Variants in BPIFB3 observed in about 807,000 individuals in gnomAD.
BPIFB3 encodes the protein BPI fold containing family B member 3.
A neutral mutation model predicts 53.1 loss-of-function variants in BPIFB3; 49 were observed. That is an observed-to-expected ratio of 0.92 (90% CI 0.73 to 1.17). BPIFB3 has a LOEUF of 1.17. Ranked by LOEUF, BPIFB3 falls within the 50% of genes most tolerant of loss-of-function variation. The pLI, the probability that BPIFB3 is intolerant of heterozygous loss-of-function variation, is 0.00. For missense variants in BPIFB3, 628 were observed against 592.5 expected (o/e 1.06, Z -0.62); for synonymous variants, 271 against 269.6 (o/e 1.01, Z -0.05).
At chr20:33,071,156 G>A in intron 11 of BPIFB3, 97 bp from the exon 13 acceptor site, 2 of 1,132,734 alleles carry the variant, frequency 1.8e-6, no homozygotes. Flanking sequence ...TGGTAATCCT[G>A]TTTCCTGATG....
intron 13 of BPIFB3, 107 bp downstream of exon 14, chr20:33,072,274 G>A: frequency 1.6e-6 from 2 of 1,220,418 alleles, no homozygotes; most frequent in Non-Finnish European, 2.4e-6. Flanking sequence ...GCCAGAGAGA[G>A]AGGTCGATCC....
At chr20:33,059,955 G>A (rs1863767246) in exon 4 of BPIFB3, 3 of 1,614,152 alleles carry the variant, frequency 1.9e-6, no homozygotes, top group Middle Eastern at 1.6e-4. Context: ...GGCGCTGGCC[G>A]TGAGCTCAAG....
chr20:33,073,832 C>T (rs538223584), downstream of BPIFB3, among the ~76,000 whole-genome samples: 1 of 152,356 alleles, frequency 6.6e-6, no homozygotes, highest in East Asian at 1.9e-4. Context: ...CAATAAATGA[C>T]TCCTGTATCT....
intron 5 of BPIFB3, 106 bp downstream of exon 6, chr20:33,061,937 C>A: frequency 7.8e-7 from 1 of 1,285,952 alleles, no homozygotes; most frequent in East Asian, 2.4e-5. Context: ...GGCTGTACTT[C>A]CCTTCCACAC....
At position 33,059,372 on chromosome 20, in the gene BPIFB3, T is replaced by A. The variant is rs367591031; in HGVS notation, c.282-6T>A. The A allele has an allele frequency of 1.2e-6, 2 of 1,607,030 alleles. No individual in the cohort carries two copies. Among genetic ancestry groups the A allele is most frequent in the Middle Eastern group, 1.8e-4 (1 of 5,492 alleles). ...TGAGCAACCCTCTCCCTGACTCCCA[T>A]CCTAGTCTGAAGATTGAGGAGCTCA... On this transcript the variant is annotated splice_region_variant and splice_polypyrimidine_tract_variant and intron_variant, in intron 2 of 14. Transcript: ENST00000375494.
rs1166837237 is a variant in BPIFB3, at chr20:33,062,402, C to G, written c.591+571C>G. ...CAGGCCTCCTGACCCCACGGCCTAG[C>G]TGGCTCTCCCTGTGCATTCTTGCGA... On this transcript the variant is annotated intron_variant, in intron 5 of 14. Coordinates refer to ENST00000375494, the Ensembl canonical transcript of BPIFB3. Among the ~76,000 whole-genome samples the G allele has an allele frequency of 2.0e-5, 3 of 152,166 alleles. No individual in the cohort carries two copies. In the South Asian group the frequency reaches 6.2e-4, roughly 32 times the overall value.
At chr20:33,070,683 G>A (rs1220792216) in intron 11 of BPIFB3, among the ~76,000 whole-genome samples, 4 of 152,190 alleles carry the variant, frequency 2.6e-5, no homozygotes, top group East Asian at 3.9e-4. Context: ...CTCTGACTCC[G>A]TCTTAGCACC....
chr20:33,062,889 A>G (rs1980513849), intron 5 of BPIFB3, among the ~76,000 whole-genome samples: 1 of 151,950 alleles, frequency 6.6e-6, no homozygotes, highest in Non-Finnish European at 1.5e-5. Context: ...GAAATCCTGG[A>G]GTTTGGGGCC....
At chr20:33,073,459 A>G in intron 14 of BPIFB3, 117 bp from the exon 16 acceptor site, 2 of 954,378 alleles carry the variant, frequency 2.1e-6, no homozygotes, top group Non-Finnish European at 3.2e-6. Flanking sequence ...TCATTTAATG[A>G]GTGCCTGCTG....
intron 2 of BPIFB3, 78 bp downstream of exon 3, chr20:33,056,776 A>T: frequency 2.7e-6 from 4 of 1,476,498 alleles, no homozygotes; most frequent in Non-Finnish European, 3.6e-6. Context: ...GTCTCTTTGT[A>T]ATTTGTCCAA....
chr20:33,061,863 T>A (rs1600539268), intron 5 of BPIFB3, 32 bp downstream of exon 6: 3 of 1,610,510 alleles, frequency 1.9e-6, no homozygotes, highest in Non-Finnish European at 1.7e-6. Flanking sequence ...CAGCATGCCC[T>A]CTCCCAGGAC....
At chr20:33,064,844 T>C in exon 8 of BPIFB3, 2 of 1,611,136 alleles carry the variant, frequency 1.2e-6, no homozygotes, top group African/African-American at 1.3e-5. Context: ...ACCCCTGAGC[T>C]GGTGAGTGTG....
At chr20:33,059,423 G>A (rs1294118718) in exon 3 of BPIFB3, 1 of 1,613,148 alleles carries the variant, frequency 6.2e-7, no homozygotes, top group South Asian at 1.1e-5. Flanking sequence ...TGCTGAAGCT[G>A]CTGCCGGGAT....
At chr20:33,059,566 C>G (rs748039257) in intron 3 of BPIFB3, 84 bp downstream of exon 4, 3 of 982,992 alleles carry the variant, frequency 3.1e-6, no homozygotes, top group East Asian at 5.2e-5. Flanking sequence ...GCTGTCCCCC[C>G]ACTCCCACCC....
chr20:33,064,591 G>C (rs374087939), intron 7 of BPIFB3, 43 bp downstream of exon 8: 556 of 1,613,018 alleles, frequency 3.4e-4, no homozygotes, highest in Non-Finnish European at 4.6e-4. Context: ...GGGGTGGCTA[G>C]ATAGGGGATG....
chr20:33,068,753 G>C (rs1389895439), intron 9 of BPIFB3, 50 bp from the exon 11 acceptor site: 1 of 1,573,810 alleles, frequency 6.4e-7, no homozygotes, highest in Non-Finnish European at 8.7e-7. Flanking sequence ...CTGACTGACT[G>C]ACTGATTGTA....
At chr20:33,066,145 C>CG (rs898593064) in intron 8 of BPIFB3, among the ~76,000 whole-genome samples, 1 of 151,992 alleles carries the variant, frequency 6.6e-6, no homozygotes, top group Admixed American at 6.6e-5. Flanking sequence ...GTTCGGTGGG[C>CG]GGGGGGTGTC....
At chr20:33,069,998 G>A (rs1980820094) in intron 11 of BPIFB3, 43 bp downstream of exon 12, 5 of 1,597,060 alleles carry the variant, frequency 3.1e-6, no homozygotes, top group Non-Finnish European at 4.3e-6. Context: ...CTTGTCTTTA[G>A]GAACAAGAAT....
chr20:33,056,132 C>G (rs543939933), intron 1 of BPIFB3, among the ~76,000 whole-genome samples: 2 of 152,172 alleles, frequency 1.3e-5, no homozygotes, highest in African/African-American at 4.8e-5. Flanking sequence ...ACAAGCTCCC[C>G]CTTCTTTGCC....
Sources: allele counts gnomAD v4.1 joint callset (sites outside exome capture counted in the v4.1 genomes callset), GRCh38; gene constraint gnomAD v4.1.1; transcripts MANE v1.5; gene names NCBI Gene and HGNC (gene_info 2026-07-23, HGNC 2026-07-21).